Variants in FOCAD observed in about 807,000 individuals in gnomAD.
FOCAD encodes focadhesin, also known as KIAA1797.
Under a neutral mutation model 225.6 loss-of-function variants are expected in FOCAD, and 198 were observed. The observed-to-expected ratio is 0.88, with a 90% confidence interval of 0.78 to 0.99. The LOEUF (loss-of-function observed/expected upper bound fraction) is 0.99, where lower values mean the gene tolerates loss of function less well. Ranked by LOEUF, FOCAD falls within the 50% of genes least tolerant of loss-of-function variation. FOCAD has a pLI of 0.00. For missense variants in FOCAD, 2,713 were observed against 2,123.6 expected, an observed-to-expected ratio of 1.28 and a Z score of -5.46; for synonymous variants, 897 against 755.0, an observed-to-expected ratio of 1.19 and a Z score of -3.08.
At chr9:20,708,425 C>T (rs953504920) in intron 1 of FOCAD, among the ~76,000 whole-genome samples, 6 of 152,000 alleles carry the variant, frequency 3.9e-5, no homozygotes, top group Non-Finnish European at 5.9e-5. Context: ...TTTTATCAGC[C>T]ATTTTATCAG....
chr9:20,717,796 T>G lies in FOCAD; in HGVS notation c.60T>G (p.Ala20=). The G allele has an allele frequency of 6.2e-7, 1 of 1,610,992 alleles. No individual in the cohort carries two copies. The highest frequency in any genetic ancestry group is 8.5e-7 in the Non-Finnish European group (1 of 1,178,494). Reference sequence around the variant, plus strand: ...CATTAATTTTATTTCTTTTTAAGGCTGTGGGTCATCTTATTGCTGCAGTCC... The same window carrying G: ...CATTAATTTTATTTCTTTTTAAGGCGGTGGGTCATCTTATTGCTGCAGTCC... The part of the protein sequence containing the change: ...EFPNSLIQSQ[A]VGHLIAAVLK... The change falls in exon 3 of 44, where the codon GCT becomes GCG. Residue 20 remains alanine (A), a splice_region_variant and synonymous_variant. Coordinates refer to ENST00000338382, the MANE Select transcript of FOCAD (RefSeq NM_001375567.1).
intron 2 of FOCAD, among the ~76,000 whole-genome samples, chr9:20,667,824 A>G (rs1821939332): frequency 6.6e-6 from 1 of 152,182 alleles, no homozygotes; most frequent in Non-Finnish European, 1.5e-5. Flanking sequence ...TAAAAACCAG[A>G]TATGAAAAAA....
intron 30 of FOCAD, among the ~76,000 whole-genome samples, 190 bp from the exon 31 acceptor site, chr9:20,948,081 A>G (rs1025656721): frequency 6.6e-6 from 1 of 151,814 alleles, no homozygotes; most frequent in Non-Finnish European, 1.5e-5. Flanking sequence ...GCAGTTTATG[A>G]TGCAAACCAG....
chr9:20,687,530 A>G (rs754361471), intron 1 of FOCAD, among the ~76,000 whole-genome samples: 30 of 152,142 alleles, frequency 2.0e-4, no homozygotes, highest in Non-Finnish European at 3.5e-4. Context: ...CTATTTCCCA[A>G]TCATTGCACA....
At chr9:20,721,519 T>C (rs574759847) in intron 4 of FOCAD, among the ~76,000 whole-genome samples, 54 of 152,180 alleles carry the variant, frequency 3.5e-4, no homozygotes, top group African/African-American at 1.3e-3. Flanking sequence ...CTGGCCAACA[T>C]GATGAGACTG....
At chr9:20,755,661 A>G (rs961393741) in intron 5 of FOCAD, among the ~76,000 whole-genome samples, 3 of 152,182 alleles carry the variant, frequency 2.0e-5, no homozygotes, top group Admixed American at 6.6e-5. Context: ...TTAAATATTT[A>G]TAAGTGCCAC....
intron 15 of FOCAD, among the ~76,000 whole-genome samples, chr9:20,849,089 A>T (rs1056044179): frequency 6.6e-6 from 1 of 151,960 alleles, no homozygotes; most frequent in African/African-American, 2.4e-5. Flanking sequence ...AAAAATATAT[A>T]AAAAAGGATT....
At chr9:20,709,222 C>T (rs1259201789) in intron 1 of FOCAD, among the ~76,000 whole-genome samples, 1 of 152,054 alleles carries the variant, frequency 6.6e-6, no homozygotes, top group Admixed American at 6.5e-5. Context: ...TCACTGGGAA[C>T]TTAAAGACTT....
chr9:20,765,264 G>C (rs748151170), intron 7 of FOCAD, among the ~76,000 whole-genome samples, 191 bp downstream of exon 7: 1 of 152,072 alleles, frequency 6.6e-6, no homozygotes, highest in Admixed American at 6.6e-5. Flanking sequence ...TATTATATTC[G>C]ATATTAACTA....
upstream of FOCAD, chr9:20,684,220 C>T (rs1822514376): frequency 6.6e-6 from 1 of 152,380 alleles, no homozygotes; most frequent in Non-Finnish European, 1.5e-5. Flanking sequence ...CAGTCCCCGC[C>T]CCCGGGCGTT....
intron 39 of FOCAD, among the ~76,000 whole-genome samples, chr9:20,983,288 T>C (rs973322743): frequency 1.3e-5 from 2 of 152,086 alleles, no homozygotes; most frequent in South Asian, 2.1e-4. Flanking sequence ...TAAAGAATAT[T>C]TGGGGCCAGG....
intron 4 of FOCAD, among the ~76,000 whole-genome samples, chr9:20,723,566 C>T (rs1477528914): frequency 6.6e-6 from 1 of 152,156 alleles, no homozygotes; most frequent in East Asian, 1.9e-4. Context: ...AAGCCTCTGT[C>T]CTATCCCAGT....
chr9:20,671,285 G>A (rs1192515464), intron 2 of FOCAD, among the ~76,000 whole-genome samples: 1 of 151,796 alleles, frequency 6.6e-6, no homozygotes, highest in Non-Finnish European at 1.5e-5. Flanking sequence ...AGAACTGGAA[G>A]CCTTAAAATA....
chr9:20,698,845 C>G (rs1823600702), intron 1 of FOCAD, among the ~76,000 whole-genome samples: 1 of 151,800 alleles, frequency 6.6e-6, no homozygotes, highest in Admixed American at 6.6e-5. Context: ...TCCATTAATA[C>G]TTTTGCAAAA....
chr9:20,908,910 C>A (rs76772289), intron 22 of FOCAD, among the ~76,000 whole-genome samples: 1 of 152,046 alleles, frequency 6.6e-6, no homozygotes, highest in South Asian at 2.1e-4. Flanking sequence ...TCCTTCCTCA[C>A]AATGAGCTCC....
At chr9:20,920,258 A>G (rs1226229713) in intron 24 of FOCAD, among the ~76,000 whole-genome samples, 2 of 146,124 alleles carry the variant, frequency 1.4e-5, no homozygotes, top group Non-Finnish European at 3.0e-5. Context: ...CAAAACCACA[A>G]TGAGATACCA....
chr9:20,959,830 A>C (rs1351312380), intron 35 of FOCAD, among the ~76,000 whole-genome samples: 1 of 152,186 alleles, frequency 6.6e-6, no homozygotes, highest in Non-Finnish European at 1.5e-5. Flanking sequence ...TTTGTCAAAA[A>C]TCAGTTTGCT....
chr9:20,994,769 A>C lies in FOCAD; in HGVS notation c.5333-787A>C, dbSNP rs557936507. ...GGCCATAATAACGTTGGTTGCTCCA[A>C]AGATATACCCTCTTAGGTTACAAAG... is the stretch of plus-strand genomic sequence containing the variant. On this transcript the variant is annotated intron_variant, in intron 43 of 43. Coordinates refer to ENST00000338382, the MANE Select transcript of FOCAD (RefSeq NM_001375567.1). Among the ~76,000 whole-genome samples, 3 of 152,298 alleles carry C rather than the reference A, an allele frequency of 2.0e-5. No individual in the cohort carries two copies. In the South Asian group the frequency reaches 6.2e-4, roughly 32 times the overall value.
upstream of FOCAD, chr9:20,684,193 C>T (rs942177578): frequency 6.6e-6 from 1 of 152,262 alleles, no homozygotes; most frequent in African/African-American, 2.4e-5. Flanking sequence ...GATATGCAGC[C>T]CATTGGCTCT....
Sources: allele counts gnomAD v4.1 joint callset (sites outside exome capture counted in the v4.1 genomes callset), GRCh38; gene constraint gnomAD v4.1.1; transcripts MANE v1.5; gene names NCBI Gene and HGNC (gene_info 2026-07-23, HGNC 2026-07-21).